LRP11: variants seen among roughly 807,000 people sequenced by gnomAD.
The protein encoded by LRP11 is LDL receptor related protein 11.
A neutral mutation model predicts 43.1 loss-of-function variants in LRP11; 25 were observed. That is an observed-to-expected ratio of 0.58 (90% confidence interval 0.42 to 0.81). The LOEUF is 0.81. Among genes scored for constraint, LRP11 ranks in the 30% least tolerant of loss-of-function variants. LRP11 has a pLI of 0.00. For missense variants in LRP11, 623 were observed against 665.1 expected, an observed-to-expected ratio of 0.94 and a Z score of 0.70; for synonymous variants, 316 against 299.4, an observed-to-expected ratio of 1.06 and a Z score of -0.57.
intron 3 of LRP11, among the ~76,000 whole-genome samples, chr6:149,840,472 G>C (rs2115388465): frequency 6.6e-6 from 1 of 152,264 alleles, no homozygotes; most frequent in Admixed American, 6.5e-5. Flanking sequence ...TCTTGGAGAA[G>C]GGCCAGAAAT....
In LRP11 at chr6:149,843,043, CG is replaced by C; in HGVS notation, c.852del (p.Gln286ArgfsTer9). 1 of 1,614,196 alleles carries C rather than the reference CG, an allele frequency of 6.2e-7. No homozygotes were observed. Among genetic ancestry groups the C allele is most frequent in the African/African-American group, 1.3e-5 (1 of 75,054 alleles). On this transcript the variant is annotated frameshift_variant, in exon 3 of 7. Transcript: ENST00000239367. ...GACACGTTGTCAGAGCTTCTCTGCC[CG>C]GCAGTGTCCGTCACGGTCAGCTGGA... Reference protein sequence around the residue: ...YTFQLTVTDTAGQRSSDNVSV... With the variant: ...YTFQLTVTDTXGQRSSDNVSV...
intron 3 of LRP11, among the ~76,000 whole-genome samples, chr6:149,842,046 TG>T (rs1477568777): frequency 2.6e-5 from 4 of 152,264 alleles, no homozygotes; most frequent in African/African-American, 9.6e-5. Flanking sequence ...TTAATATAAC[TG>T]CATCTGCGTA....
intron 1 of LRP11, among the ~76,000 whole-genome samples, chr6:149,859,545 G>A (rs1029224346): frequency 1.3e-5 from 2 of 151,168 alleles, no homozygotes; most frequent in African/African-American, 2.4e-5. Context: ...ACAGGCGTGT[G>A]TCAACAAACC....
At chr6:149,858,951 G>A (rs1295568210) in intron 1 of LRP11, among the ~76,000 whole-genome samples, 1 of 152,070 alleles carries the variant, frequency 6.6e-6, no homozygotes, top group Non-Finnish European at 1.5e-5. Flanking sequence ...TTTCCAAGAG[G>A]GAAGTACCAA....
intron 3 of LRP11, among the ~76,000 whole-genome samples, chr6:149,842,337 G>A (rs1463099742): frequency 6.6e-6 from 1 of 152,108 alleles, no homozygotes; most frequent in African/African-American, 2.4e-5. Flanking sequence ...TGTTTGCATT[G>A]TGGAATGATT....
chr6:149,859,396 A>ATATTTTTTTTTTTTT, intron 1 of LRP11, among the ~76,000 whole-genome samples: 1 of 71,512 alleles, frequency 1.4e-5, no homozygotes, highest in African/African-American at 8.2e-5. Context: ...ATATATATAT[A>ATATTTTTTTTTTTTT]TTTTTTTTTT....
Position 149,847,824 on chromosome 6 carries a change from T to TACACACACACAC in LRP11, c.772-4712_772-4701dup, listed in dbSNP as rs57292379. Among the ~76,000 whole-genome samples the TACACACACACAC allele has an allele frequency of 1.9e-4, 25 of 131,132 alleles. 1 individual carries two copies. The South Asian group carries it at 2.5e-3, about 13-fold the overall frequency. 86.0% of individuals were successfully genotyped at this position (131,132 alleles called of 152,430 possible). On this transcript the variant is annotated intron_variant, in intron 2 of 6. Transcript: ENST00000239367. Reference sequence around the variant, plus strand: ...CTTCTCATATATGTCTAAACTAAATTACACACACACACACACACACACACA... The same window carrying TACACACACACAC: ...CTTCTCATATATGTCTAAACTAAATTACACACACACACACACACACACACACACACACACACA...
chr6:149,856,846 C>G (rs2115417764), intron 1 of LRP11, among the ~76,000 whole-genome samples: 1 of 152,238 alleles, frequency 6.6e-6, no homozygotes, highest in South Asian at 2.1e-4. Flanking sequence ...ATAGCTCAGG[C>G]AGAGCAACTG....
chr6:149,846,217 G>C (rs1007340603), intron 2 of LRP11, among the ~76,000 whole-genome samples: 1 of 152,214 alleles, frequency 6.6e-6, no homozygotes, highest in African/African-American at 2.4e-5. Flanking sequence ...TAAGTGGAGA[G>C]GTGGGCGGGT....
At chr6:149,859,660 C>T (rs916464095) in intron 1 of LRP11, among the ~76,000 whole-genome samples, 4 of 151,808 alleles carry the variant, frequency 2.6e-5, no homozygotes, top group Admixed American at 6.6e-5. Context: ...CCTCCCAAAG[C>T]GCTGGGATTA....
chr6:149,864,326 C>T lies in LRP11; in HGVS notation c.-306G>A, dbSNP rs893776995. 2.1e-5 allele frequency: 21 copies of T among 1,018,000 alleles called. No homozygotes were observed. Among genetic ancestry groups the T allele is most frequent in the Middle Eastern group, 4.7e-4 (1 of 2,120 alleles). 63.1% of individuals were successfully genotyped at this position (1,018,000 alleles called of 1,614,324 possible). ...GCGCTGGGTGGCGACGAGTCGGCCTCGGCGTTGATCAGCACCAGGTGTGTG... is the reference window on the plus strand; with the variant it reads ...GCGCTGGGTGGCGACGAGTCGGCCTTGGCGTTGATCAGCACCAGGTGTGTG... On this transcript the variant is annotated 5_prime_UTR_variant, in exon 1 of 7. Coordinates refer to ENST00000239367, the MANE Select transcript of LRP11 (RefSeq NM_032832.6).
Position 149,853,100 on chromosome 6 carries a change from T to C in LRP11, c.674A>G (p.Asp225Gly). The change falls in exon 2 of 7, where the codon GAC (aspartate) becomes GGC (glycine). Residue 225 changes from aspartate (D) to glycine (G), a missense_variant. Asp to Gly is a moderately conservative substitution (Grantham distance 94, BLOSUM62 -1). Transcript: ENST00000239367. The stretch of plus-strand genomic sequence containing the variant: ...CTCGCGGCCGTCTAGAACCACCCCG[T>C]CTGTGGGCAGATGCAGAACCACATC... ...GQDVVLHLPT[D>G]GVVLDGREST... is the part of the protein sequence containing the mutation. The C allele has an allele frequency of 6.2e-7, 1 of 1,612,610 alleles. No individual in the cohort carries two copies. Among genetic ancestry groups the C allele is most frequent in the East Asian group, 2.2e-5 (1 of 44,720 alleles).
chr6:149,856,898 A>G (rs1234142963), intron 1 of LRP11, among the ~76,000 whole-genome samples: 1 of 152,164 alleles, frequency 6.6e-6, no homozygotes, highest in African/African-American at 2.4e-5. Flanking sequence ...GGGCGAGACT[A>G]GGGGAAGAGG....
intron 2 of LRP11, among the ~76,000 whole-genome samples, chr6:149,844,736 AT>A (rs1209237915): frequency 6.6e-6 from 1 of 152,240 alleles, no homozygotes; most frequent in Non-Finnish European, 1.5e-5. Context: ...GGATTGTACT[AT>A]TATAAGAACC....
chr6:149,836,780 A>G (rs533657799), intron 4 of LRP11, among the ~76,000 whole-genome samples: 4 of 152,138 alleles, frequency 2.6e-5, no homozygotes, highest in African/African-American at 9.6e-5. Flanking sequence ...ATGCCACTGC[A>G]CTCCAGCCTG....
chr6:149,837,402 G>C lies in LRP11; in HGVS notation c.975C>G (p.Ile325Met). The change falls in exon 4 of 7, where the codon ATC becomes ATG. Residue 325 changes from isoleucine (I) to methionine (M), a missense_variant. Coordinates refer to ENST00000239367, the MANE Select transcript of LRP11 (RefSeq NM_032832.6). ...FFCDDGCCID[I>M]TLACDGVQQC... The stretch of plus-strand genomic sequence containing the variant: ...GCTGCACTCCATCGCAGGCGAGCGT[G>C]ATGTCAATGCAGCAGCCATCGTCAC... 1 of 1,614,118 alleles carries C rather than the reference G, an allele frequency of 6.2e-7. No individual in the cohort carries two copies.
At chr6:149,842,799 C>T (rs1300227093) in intron 3 of LRP11, 184 bp downstream of exon 3, 9 of 1,212,196 alleles carry the variant, frequency 7.4e-6, no homozygotes, top group Middle Eastern at 1.9e-4. Flanking sequence ...CCAGTAGCAT[C>T]GGCTAAGCCC....
At chr6:149,855,762 T>C (rs1218098568) in intron 1 of LRP11, among the ~76,000 whole-genome samples, 1 of 151,820 alleles carries the variant, frequency 6.6e-6, no homozygotes, top group Non-Finnish European at 1.5e-5. Context: ...TTTTACATGC[T>C]ATTGCTAACT....
In LRP11 at chr6:149,842,559, C is replaced by T. The variant is rs866207634; in HGVS notation, c.913+424G>A. On this transcript the variant is annotated intron_variant, in intron 3 of 6. Transcript: ENST00000239367. ...GACCAGCGTCTCTCCTTTCCCAGTC[C>T]GTCCCCCGCACAGCCTCCAGTAACC... 103 of 1,295,114 alleles carry T rather than the reference C, an allele frequency of 8.0e-5. No individual in the cohort carries two copies. The Admixed American group carries it at 1.7e-3, about 22-fold the overall frequency. 80.2% of individuals were successfully genotyped at this position (1,295,114 alleles called of 1,614,324 possible). A position where few individuals can be genotyped will look rare whatever the true frequency, so the allele number is the denominator to read the frequency against.
Sources: allele counts gnomAD v4.1 joint callset (sites outside exome capture counted in the v4.1 genomes callset), GRCh38; gene constraint gnomAD v4.1.1; transcripts MANE v1.5; gene names NCBI Gene and HGNC (gene_info 2026-07-23, HGNC 2026-07-21).